The following ADAMTS17 variants were observed in gnomAD, a reference collection of about 807,000 sequenced individuals.
ADAMTS17 encodes ADAM metallopeptidase with thrombospondin type 1 motif 17.
A neutral mutation model predicts 141.5 loss-of-function variants in ADAMTS17; 113 were observed. That is an observed-to-expected ratio of 0.80 (90% CI 0.69 to 0.93). ADAMTS17 has a LOEUF of 0.93. ADAMTS17 is among the 40% of genes least tolerant of loss of function. The pLI, the probability that ADAMTS17 is intolerant of heterozygous loss-of-function variation, is 0.00. For synonymous variants in ADAMTS17, 768 were observed against 630.6 expected (o/e 1.22, Z -3.27); for missense variants, 1,659 against 1,517.9 (o/e 1.09, Z -1.54).
chr15:100,149,407 A>G (rs1014201656), intron 10 of ADAMTS17, among the ~76,000 whole-genome samples: 4 of 152,222 alleles, frequency 2.6e-5, no homozygotes, highest in Non-Finnish European at 5.9e-5. Flanking sequence ...ACTTCCTCGC[A>G]GTTTCCATAA....
intron 7 of ADAMTS17, among the ~76,000 whole-genome samples, chr15:100,217,198 G>C (rs886690706): frequency 6.6e-6 from 1 of 152,120 alleles, no homozygotes; most frequent in African/African-American, 2.4e-5. Flanking sequence ...GGCAGGCAAG[G>C]AACAGTCTTT....
chr15:100,168,822 C>G (rs1191201779), intron 8 of ADAMTS17: 3 of 152,250 alleles, frequency 2.0e-5, no homozygotes, highest in Non-Finnish European at 4.4e-5. Context: ...CTTCCCATCC[C>G]CAGCCCCGCA....
intron 7 of ADAMTS17, among the ~76,000 whole-genome samples, chr15:100,238,395 CTTTG>C (rs1876371079): frequency 6.6e-6 from 1 of 152,196 alleles, no homozygotes; most frequent in South Asian, 2.1e-4. Flanking sequence ...GAGCAACGGC[CTTTG>C]TTTGGTGCCT....
intron 1 of ADAMTS17, 104 bp from the exon 2 acceptor site, chr15:100,341,513 C>G (rs2046366836): frequency 1.0e-6 from 1 of 976,456 alleles, no homozygotes; most frequent in Admixed American, 5.9e-5. Context: ...CGACCCGGAG[C>G]CGGCGCTGCC....
Position 100,162,884 on chromosome 15 carries a change from A to G in ADAMTS17, c.1182-7564T>C, listed in dbSNP as rs1213143594. Reference sequence around the variant, plus strand: ...TGTATATATATAACTATATGTATATATATGTGTATATAGAACTATATATGT... The same window carrying G: ...TGTATATATATAACTATATGTATATGTATGTGTATATAGAACTATATATGT... On this transcript the variant is annotated intron_variant, in intron 8 of 21. Coordinates refer to ENST00000268070, the MANE Select transcript of ADAMTS17 (RefSeq NM_139057.4). Among the ~76,000 whole-genome samples, 3 of 146,804 alleles carry G rather than the reference A, an allele frequency of 2.0e-5. 1 individual carries two copies. Among genetic ancestry groups the G allele is most frequent in the South Asian group, 4.2e-4 (2 of 4,756 alleles).
intron 6 of ADAMTS17, among the ~76,000 whole-genome samples, chr15:100,259,373 G>C (rs2043438065): frequency 6.6e-6 from 1 of 152,182 alleles, no homozygotes; most frequent in Admixed American, 6.5e-5. Flanking sequence ...TCTACAGAAA[G>C]CCTCACAGTC....
intron 15 of ADAMTS17, among the ~76,000 whole-genome samples, chr15:100,054,416 G>C (rs544141195): frequency 1.3e-5 from 2 of 152,284 alleles, no homozygotes; most frequent in African/African-American, 4.8e-5. Flanking sequence ...CCAGCAGATG[G>C]TTTTCTGCCT....
At chr15:100,303,273 C>A (rs2045108209) in intron 3 of ADAMTS17, among the ~76,000 whole-genome samples, 1 of 149,682 alleles carries the variant, frequency 6.7e-6, no homozygotes, top group South Asian at 2.1e-4. Context: ...AACCCTGATA[C>A]ACTGTTCAAG....
At chr15:99,988,656 A>C (rs1001268176) in intron 20 of ADAMTS17, among the ~76,000 whole-genome samples, 2 of 151,700 alleles carry the variant, frequency 1.3e-5, no homozygotes, top group Non-Finnish European at 2.9e-5. Flanking sequence ...CCAATACCTC[A>C]CTCTTCTGAA....
intron 3 of ADAMTS17, among the ~76,000 whole-genome samples, chr15:100,299,934 T>C (rs2044969134): frequency 6.6e-6 from 1 of 152,230 alleles, no homozygotes; most frequent in East Asian, 1.9e-4. Context: ...CTGTACCTCT[T>C]GTGCTGAGAA....
At chr15:100,151,938 C>T (rs1405868583) in intron 10 of ADAMTS17, among the ~76,000 whole-genome samples, 2 of 152,204 alleles carry the variant, frequency 1.3e-5, no homozygotes, top group Non-Finnish European at 2.9e-5. Flanking sequence ...AGTTCAAATC[C>T]TCGCTCTACT....
Position 100,299,324 on chromosome 15 carries a change from C to T in ADAMTS17, c.617-17923G>A, listed in dbSNP as rs376414936. Among the ~76,000 whole-genome samples the T allele has an allele frequency of 4.2e-3, 628 of 150,746 alleles. 5 individuals carry two copies. The highest frequency in any genetic ancestry group is 0.015 in the African/African-American group (604 of 41,116). On this transcript the variant is annotated intron_variant, in intron 3 of 21. Transcript: ENST00000268070. ...TGTGTGTAACCGCCGTCAGGACAGTCGGGGGACTCGCAGGCAGGACAGTCA... is the reference window on the plus strand; with the variant it reads ...TGTGTGTAACCGCCGTCAGGACAGTTGGGGGACTCGCAGGCAGGACAGTCA...
At chr15:100,274,062 C>G (rs939525104) in intron 4 of ADAMTS17, among the ~76,000 whole-genome samples, 4 of 152,132 alleles carry the variant, frequency 2.6e-5, no homozygotes, top group Non-Finnish European at 4.4e-5. Flanking sequence ...TAATATCAAC[C>G]TTTTCAATCT....
intron 7 of ADAMTS17, among the ~76,000 whole-genome samples, chr15:100,243,579 C>G (rs2042891874): frequency 6.6e-6 from 1 of 152,148 alleles, no homozygotes; most frequent in Non-Finnish European, 1.5e-5. Flanking sequence ...CACCTGAGGT[C>G]AGGAGTTCCA....
chr15:100,245,217 C>T (rs555425554), intron 7 of ADAMTS17, among the ~76,000 whole-genome samples: 39 of 152,292 alleles, frequency 2.6e-4, no homozygotes, highest in African/African-American at 8.9e-4. Context: ...TTTGCAGCTG[C>T]CAACCTGGAA....
chr15:100,334,244 G>A (rs111339044), intron 2 of ADAMTS17, among the ~76,000 whole-genome samples: 6 of 152,290 alleles, frequency 3.9e-5, no homozygotes, highest in South Asian at 2.1e-4. Context: ...ACATGTTCTC[G>A]GCATAGCTTA....
At chr15:100,195,479 G>A (rs1268274914) in intron 8 of ADAMTS17, among the ~76,000 whole-genome samples, 1 of 152,110 alleles carries the variant, frequency 6.6e-6, no homozygotes, top group Non-Finnish European at 1.5e-5. Context: ...ATATGTAAAT[G>A]GAGCCTGTTC....
chr15:100,162,759 GGCACATATACACATATATATACATAT>G (rs1197774150), intron 8 of ADAMTS17, among the ~76,000 whole-genome samples: 5 of 136,244 alleles, frequency 3.7e-5, no homozygotes, highest in Non-Finnish European at 1.5e-5. Flanking sequence ...ATTATATATA[GGCACATATACACATATATATACATAT>G]GCACATATAC....
chr15:99,975,429 C>T (rs960252735), intron 21 of ADAMTS17, among the ~76,000 whole-genome samples: 6 of 152,192 alleles, frequency 3.9e-5, no homozygotes, highest in Admixed American at 6.5e-5. Context: ...AGGCTGGTCT[C>T]GAACTCCTGA....
Sources: allele counts gnomAD v4.1 joint callset (sites outside exome capture counted in the v4.1 genomes callset), GRCh38; gene constraint gnomAD v4.1.1; transcripts MANE v1.5; gene names NCBI Gene and HGNC (gene_info 2026-07-23, HGNC 2026-07-21).